Variants in ADCY3 observed in about 807,000 individuals in gnomAD.
ADCY3 encodes adenylate cyclase 3.
In ADCY3, 70 loss-of-function variants were observed where a neutral mutation model predicts 119.4. The ratio of observed to expected loss-of-function variants is 0.59; its 90% confidence interval spans 0.48 to 0.72. The LOEUF (loss-of-function observed/expected upper bound fraction) is 0.72, where lower values mean the gene tolerates loss of function less well. Ranked by LOEUF, ADCY3 falls within the 30% of genes least tolerant of loss-of-function variation. The probability of loss-of-function intolerance (pLI) is 0.00; values close to 1 mark genes in which losing one functional copy is unlikely to be tolerated. For missense variants in ADCY3, 1,238 were observed against 1,541.6 expected (o/e 0.80, Z 3.30); for synonymous variants, 672 against 621.4 (o/e 1.08, Z -1.21).
At chr2:24,833,607 C>T (rs1436724669) in intron 11 of ADCY3, among the ~76,000 whole-genome samples, 1 of 152,220 alleles carries the variant, frequency 6.6e-6, no homozygotes, top group Non-Finnish European at 1.5e-5. Flanking sequence ...CTGTAGCTTC[C>T]CCTACCAGAA....
chr2:24,903,775 G>A lies in ADCY3; in HGVS notation c.675+14538C>T, dbSNP rs564940654. Among the ~76,000 whole-genome samples the A allele has an allele frequency of 4.6e-5, 7 of 152,256 alleles. No homozygotes were observed. The East Asian group carries it at 1.4e-3, about 29-fold the overall frequency. On this transcript the variant is annotated intron_variant, in intron 2 of 21. Coordinates refer to ENST00000679454, the MANE Select transcript of ADCY3 (RefSeq NM_004036.5). Reference sequence around the variant, plus strand: ...ACGGCTCGCCAGCTGAACAGGGAGCGCCATGATCCCTTTCTTCCCTAAATG... The same window carrying A: ...ACGGCTCGCCAGCTGAACAGGGAGCACCATGATCCCTTTCTTCCCTAAATG...
chr2:24,887,534 T>C (rs1033994449), intron 2 of ADCY3, among the ~76,000 whole-genome samples: 1 of 152,072 alleles, frequency 6.6e-6, no homozygotes, highest in African/African-American at 2.4e-5. Flanking sequence ...TTCACCGGCA[T>C]CATGCAGCGA....
At chr2:24,894,285 C>T (rs773938357) in intron 2 of ADCY3, among the ~76,000 whole-genome samples, 7 of 152,174 alleles carry the variant, frequency 4.6e-5, no homozygotes, top group Admixed American at 6.5e-5. Context: ...GAGTTCAAGA[C>T]CAGCCTGGGC....
At chr2:24,820,268 C>T in intron 21 of ADCY3, 154 bp from the exon 22 acceptor site, 1 of 1,215,728 alleles carries the variant, frequency 8.2e-7, no homozygotes, top group South Asian at 2.1e-5. Flanking sequence ...GCCCTTCCAC[C>T]CGTGGCGAGC....
In ADCY3 at chr2:24,819,870, TC is replaced by T. The variant is rs1457108381; in HGVS notation, c.*61del. 2 of 1,548,212 alleles carry T rather than the reference TC, an allele frequency of 1.3e-6. No individual in the cohort carries two copies. The highest frequency in any genetic ancestry group is 1.4e-5 in the African/African-American group (1 of 73,318). On this transcript the variant is annotated 3_prime_UTR_variant, in exon 22 of 22. Coordinates refer to ENST00000679454, the MANE Select transcript of ADCY3 (RefSeq NM_004036.5). ...ACTTCAATCCAGGAAGGTCGGGACT[TC>T]CTTCAGTTTCAAAAAATAAATTCTC...
In ADCY3 at chr2:24,878,910, G is replaced by A. The variant is rs950598303; in HGVS notation, c.676-6191C>T. On this transcript the variant is annotated intron_variant, in intron 2 of 21. Transcript: ENST00000679454. The surrounding 1 kb of genome is among the most constrained non-coding windows in gnomAD (Gnocchi z 4.0). Reference sequence around the variant, plus strand: ...GAATGTTCTGCACTTGCCCTTCTCTGTCCTCACTCCTTCGCCTCGTCGCCT... The same window carrying A: ...GAATGTTCTGCACTTGCCCTTCTCTATCCTCACTCCTTCGCCTCGTCGCCT... Among the ~76,000 whole-genome samples the A allele has an allele frequency of 6.6e-6, 1 of 152,214 alleles. No individual in the cohort carries two copies. Among genetic ancestry groups the A allele is most frequent in the African/African-American group, 2.4e-5 (1 of 41,448 alleles).
chr2:24,874,330 A>C (rs1045606405), intron 2 of ADCY3, among the ~76,000 whole-genome samples: 1 of 152,198 alleles, frequency 6.6e-6, no homozygotes, highest in African/African-American at 2.4e-5. Context: ...GAGCAGCCCC[A>C]GTCGCCTACC....
Position 24,918,602 on chromosome 2 carries a change from A to G in ADCY3, c.386T>C (p.Leu129Pro), listed in dbSNP as rs1664749469. The change falls in exon 2 of 22, where the codon CTG becomes CCG. Residue 129 changes from leucine to proline, a missense_variant. Physicochemically the swap from Leu to Pro is moderately conservative, Grantham distance 98 (BLOSUM62 -3). Around this residue, in one of 7 missense-constraint regions of ADCY3, gnomAD observed 227 missense variants for 249.3 expected, o/e 0.91. Coordinates refer to ENST00000679454, the MANE Select transcript of ADCY3 (RefSeq NM_004036.5). The surrounding 1 kb of genome is among the most constrained non-coding windows in gnomAD (Gnocchi z 5.4). ...TCTGCGGGTGACCCGGTCCGGGAGC[A>G]GCCCCTTTTTGCAGAGCACGAAGAG... ...IILFVLCKKG[L>P]LPDRVTRRVL... 6.2e-7 allele frequency: 1 copy of G among 1,614,062 alleles called. No homozygotes were observed. The highest frequency in any genetic ancestry group is 8.5e-7 in the Non-Finnish European group (1 of 1,180,044).
intron 3 of ADCY3, among the ~76,000 whole-genome samples, chr2:24,843,049 A>C (rs981905414): frequency 6.6e-6 from 1 of 152,228 alleles, no homozygotes; most frequent in Non-Finnish European, 1.5e-5. Flanking sequence ...GGTCGAGCCC[A>C]AGACGCGACG....
intron 2 of ADCY3, among the ~76,000 whole-genome samples, chr2:24,915,873 G>A (rs1664388048): frequency 6.6e-6 from 1 of 152,188 alleles, no homozygotes. Context: ...CCAAATGCCG[G>A]GATGCTGTGA....
rs1351022486 is a variant in ADCY3 at position 24,830,780 on chromosome 2, T to G, written c.2101A>C (p.Thr701Pro). Residue 701 changes from threonine to proline, a missense_variant, in exon 13 of 22, where the codon ACC becomes CCC. By Grantham distance (38) the Thr-to-Pro change is conservative. Transcript: ENST00000679454. ...LVAFSTWIDR[T>P]RWARNTWAML... Reference sequence around the variant, plus strand: ...GCCCAGGTGTTCCTGGCCCAGCGGGTCCGGTCAATCCAAGTTGAGAAGGCC... The same window carrying G: ...GCCCAGGTGTTCCTGGCCCAGCGGGGCCGGTCAATCCAAGTTGAGAAGGCC... 1 of 1,613,784 alleles carries G rather than the reference T, an allele frequency of 6.2e-7. No homozygotes were observed. The highest frequency in any genetic ancestry group is 1.7e-5 in the Admixed American group (1 of 59,984).
At chr2:24,835,585 T>G (rs1398736841) in intron 9 of ADCY3, among the ~76,000 whole-genome samples, 5 of 152,126 alleles carry the variant, frequency 3.3e-5, no homozygotes, top group Non-Finnish European at 7.4e-5. Flanking sequence ...GAATAGTCAC[T>G]GAGACGGGCT....
rs906993376 is a variant in ADCY3, at chr2:24,858,673, A to T, written c.825+13897T>A. 2.6e-5 allele frequency among the ~76,000 whole-genome samples: 4 copies of T among 152,236 alleles called. No homozygotes were observed. In the East Asian group the frequency reaches 7.7e-4, roughly 29 times the overall value. The stretch of plus-strand genomic sequence containing the variant: ...ACAATGCACAATTCTACAATTCTAC[A>T]ACTCTACAGTTCTCCAGCAATTCTA... On this transcript the variant is annotated intron_variant, in intron 3 of 21. Transcript: ENST00000679454.
At chr2:24,865,486 C>T (rs963140607) in intron 3 of ADCY3, among the ~76,000 whole-genome samples, 26 of 112,934 alleles carry the variant, frequency 2.3e-4, no homozygotes, top group Non-Finnish European at 3.5e-4. Context: ...AATAGGCTAT[C>T]ATCTGTGTGT....
At chr2:24,897,329 T>C (rs1048121064) in intron 2 of ADCY3, among the ~76,000 whole-genome samples, 2 of 151,850 alleles carry the variant, frequency 1.3e-5, no homozygotes, top group African/African-American at 4.8e-5. Flanking sequence ...CTGGGACTTC[T>C]TATAGAATGT....
chr2:24,871,256 T>C (rs1313572944), intron 3 of ADCY3, among the ~76,000 whole-genome samples: 1 of 151,976 alleles, frequency 6.6e-6, no homozygotes, highest in Non-Finnish European at 1.5e-5. Context: ...CAAGGGGCTT[T>C]ACAAGCCAGG....
intron 2 of ADCY3, among the ~76,000 whole-genome samples, chr2:24,877,018 C>T (rs1675795512): frequency 6.6e-6 from 1 of 152,214 alleles, no homozygotes; most frequent in Non-Finnish European, 1.5e-5. Flanking sequence ...CCCAACCTGG[C>T]CCACTTGGCA....
chr2:24,917,467 C>G (rs1263114533), intron 2 of ADCY3, among the ~76,000 whole-genome samples: 1 of 152,234 alleles, frequency 6.6e-6, no homozygotes, highest in Non-Finnish European at 1.5e-5. Flanking sequence ...GGCTTGCTGG[C>G]TCCCCAGGGA....
chr2:24,874,752 T>C (rs1037887660), intron 2 of ADCY3, among the ~76,000 whole-genome samples: 22 of 152,116 alleles, frequency 1.4e-4, no homozygotes, highest in African/African-American at 5.1e-4. Flanking sequence ...ACCTGGAAAA[T>C]TGCCCAGCCG....
Sources: allele counts gnomAD v4.1 joint callset (sites outside exome capture counted in the v4.1 genomes callset), GRCh38; gene constraint gnomAD v4.1.1; regional missense constraint gnomAD v4.1.1; non-coding constraint Gnocchi (gnomAD v3.1); transcripts MANE v1.5; gene names NCBI Gene and HGNC (gene_info 2026-07-23, HGNC 2026-07-21).